Variants in LHFPL3 observed in about 807,000 individuals in gnomAD.
LHFPL3 encodes the protein LHFPL tetraspan subfamily member 3.
A neutral mutation model predicts 19.3 loss-of-function variants in LHFPL3; 5 were observed. That is an observed-to-expected ratio of 0.26 (90% CI 0.14 to 0.54). The LOEUF (loss-of-function observed/expected upper bound fraction) is 0.54. Ranked by LOEUF, LHFPL3 falls within the 20% of genes least tolerant of loss-of-function variation. The pLI is 0.94. For synonymous variants in LHFPL3, 133 were observed against 126.2 expected (o/e 1.05, Z -0.36); for missense variants, 249 against 307.4 (o/e 0.81, Z 1.42).
At chr7:104,538,583 A>C (rs1050263725) in intron 1 of LHFPL3, among the ~76,000 whole-genome samples, 1 of 152,214 alleles carries the variant, frequency 6.6e-6, no homozygotes, top group East Asian at 1.9e-4. Flanking sequence ...TTTCTTTATC[A>C]CAACAGTGTT....
At chr7:104,463,038 AG>A (rs1397047168) in intron 1 of LHFPL3, among the ~76,000 whole-genome samples, 4 of 152,194 alleles carry the variant, frequency 2.6e-5, no homozygotes, top group African/African-American at 9.7e-5. Flanking sequence ...AGGTATCCAT[AG>A]TAGTTTCTGA....
At chr7:104,750,360 C>T (rs192448748) in intron 2 of LHFPL3, among the ~76,000 whole-genome samples, 9 of 152,222 alleles carry the variant, frequency 5.9e-5, no homozygotes, top group African/African-American at 1.7e-4. Context: ...CCTTTCCTGT[C>T]GGATCAGTGC....
At chr7:104,596,077 A>T (rs57615466) in intron 1 of LHFPL3, among the ~76,000 whole-genome samples, 2 of 152,212 alleles carry the variant, frequency 1.3e-5, no homozygotes, top group East Asian at 3.8e-4. Context: ...CCACTGTCCA[A>T]TCAGTCCCAG....
chr7:104,519,334 G>C (rs1018563945), intron 1 of LHFPL3, among the ~76,000 whole-genome samples: 7 of 152,138 alleles, frequency 4.6e-5, no homozygotes, highest in African/African-American at 1.7e-4. Context: ...ACAGGACTGT[G>C]AGGAGAGCCT....
rs144818685 is a variant in LHFPL3, at chr7:104,738,169, G to A, written c.682+1258G>A. 7.2e-3 allele frequency among the ~76,000 whole-genome samples: 1,101 copies of A among 152,218 alleles called. 15 individuals carry two copies. Among genetic ancestry groups the A allele is most frequent in the African/African-American group, 0.024 (995 of 41,536 alleles). On this transcript the variant is annotated intron_variant, in intron 2 of 2. Coordinates refer to ENST00000424859, the MANE Select transcript of LHFPL3 (RefSeq NM_199000.3). The stretch of plus-strand genomic sequence containing the variant: ...ACACAAAAATAACCCTTACACAGGG[G>A]AGTGGTGCTGAAACTTCCTAAAAAC...
chr7:104,717,793 T>C (rs993205378), intron 1 of LHFPL3, among the ~76,000 whole-genome samples: 9 of 152,172 alleles, frequency 5.9e-5, no homozygotes, highest in Non-Finnish European at 1.2e-4. Flanking sequence ...TCAGCAATCC[T>C]ACTTCTGAGT....
At chr7:104,641,558 T>C (rs1791834317) in intron 1 of LHFPL3, among the ~76,000 whole-genome samples, 2 of 152,196 alleles carry the variant, frequency 1.3e-5, no homozygotes, top group Non-Finnish European at 2.9e-5. Context: ...AAGAGTAGTA[T>C]TTGAGTATAC....
chr7:104,582,633 T>C (rs1032420232), intron 1 of LHFPL3, among the ~76,000 whole-genome samples: 1 of 152,040 alleles, frequency 6.6e-6, no homozygotes, highest in Non-Finnish European at 1.5e-5. Context: ...ATTTCTGTTT[T>C]ACTAGCATCT....
intron 1 of LHFPL3, among the ~76,000 whole-genome samples, chr7:104,497,107 G>A (rs1793496505): frequency 6.6e-6 from 1 of 151,880 alleles, no homozygotes; most frequent in South Asian, 2.1e-4. Context: ...TGCTGTGATG[G>A]AAAAGTAGAT....
At chr7:104,741,961 G>A (rs1039886614) in intron 2 of LHFPL3, among the ~76,000 whole-genome samples, 2 of 152,174 alleles carry the variant, frequency 1.3e-5, no homozygotes, top group African/African-American at 2.4e-5. Flanking sequence ...ATCATGGACA[G>A]GCAGGTATTG....
chr7:104,612,528 G>A (rs1240480007), intron 1 of LHFPL3, among the ~76,000 whole-genome samples: 3 of 152,136 alleles, frequency 2.0e-5, no homozygotes, highest in East Asian at 1.9e-4. Context: ...TAAATTTTTC[G>A]AATGTACCAT....
chr7:104,720,364 T>C (rs1294946686), intron 1 of LHFPL3, among the ~76,000 whole-genome samples: 4 of 152,104 alleles, frequency 2.6e-5, no homozygotes, highest in African/African-American at 9.7e-5. Flanking sequence ...CTGAATCCCT[T>C]CCTTATACCT....
At chr7:104,765,932 A>C (rs1481763330) in intron 2 of LHFPL3, among the ~76,000 whole-genome samples, 2 of 152,228 alleles carry the variant, frequency 1.3e-5, no homozygotes, top group Non-Finnish European at 2.9e-5. Context: ...CATCAAATGC[A>C]TCCAACCTCC....
intron 1 of LHFPL3, among the ~76,000 whole-genome samples, chr7:104,613,983 TA>T: frequency 6.6e-6 from 1 of 151,846 alleles, no homozygotes; most frequent in Non-Finnish European, 1.5e-5. Flanking sequence ...GACTGGGAGA[TA>T]GGGGCAGTGT....
intron 2 of LHFPL3, among the ~76,000 whole-genome samples, chr7:104,869,792 G>C (rs535518131): frequency 1.3e-5 from 2 of 152,116 alleles, no homozygotes; most frequent in African/African-American, 4.8e-5. Context: ...ACATGCACAC[G>C]TATGTTTATT....
intron 1 of LHFPL3, among the ~76,000 whole-genome samples, chr7:104,716,338 T>G (rs1364841725): frequency 1.3e-5 from 2 of 149,930 alleles, no homozygotes; most frequent in African/African-American, 4.9e-5. Flanking sequence ...CGAGACTCCA[T>G]CTCCAAAAAA....
At position 104,419,971 on chromosome 7, in the gene LHFPL3, C is replaced by CA. The variant is rs538188872; in HGVS notation, c.445+90749dup. 3.4e-4 allele frequency among the ~76,000 whole-genome samples: 52 copies of CA among 151,548 alleles called. 1 individual carries two copies. The South Asian group carries it at 7.9e-3, about 23-fold the overall frequency. ...CCAGAGTTAAAAACAAACAAACAAA[C>CA]AACAACAACAACAACAACAAAAAAC... On this transcript the variant is annotated intron_variant, in intron 1 of 2. Transcript: ENST00000424859.
chr7:104,903,412 A>G (rs1226498025), intron 2 of LHFPL3, among the ~76,000 whole-genome samples: 1 of 149,730 alleles, frequency 6.7e-6, no homozygotes, highest in East Asian at 2.0e-4. Flanking sequence ...CCTGCCCCAC[A>G]CACACATAGA....
intron 1 of LHFPL3, among the ~76,000 whole-genome samples, chr7:104,715,622 G>A (rs1476849841): frequency 1.3e-5 from 2 of 152,136 alleles, no homozygotes; most frequent in African/African-American, 4.8e-5. Context: ...ATTTTCTCAA[G>A]TGCTTTTCCT....
Sources: allele counts gnomAD v4.1 joint callset (sites outside exome capture counted in the v4.1 genomes callset), GRCh38; gene constraint gnomAD v4.1.1; transcripts MANE v1.5; gene names NCBI Gene and HGNC (gene_info 2026-07-23, HGNC 2026-07-21).